FBXL20: variants seen among roughly 807,000 people sequenced by gnomAD.
The protein encoded by FBXL20 is F-box and leucine rich repeat protein 20, also known as F-box/LRR-repeat protein 20.
Under a neutral mutation model 64.0 loss-of-function variants are expected in FBXL20, and 11 were observed. The observed-to-expected ratio is 0.17, with a 90% CI of 0.11 to 0.28. The LOEUF is 0.28. Ranked by LOEUF, FBXL20 falls within the 10% of genes least tolerant of loss-of-function variation. The pLI is 1.00. For missense variants in FBXL20, 303 were observed against 526.2 expected, an observed-to-expected ratio of 0.58 and a Z score of 4.15; for synonymous variants, 184 against 189.0, an observed-to-expected ratio of 0.97 and a Z score of 0.22.
At chr17:39,365,003 G>A (rs528719510) in intron 1 of FBXL20, among the ~76,000 whole-genome samples, 51 of 152,140 alleles carry the variant, frequency 3.4e-4, no homozygotes, top group Admixed American at 1.8e-3. Flanking sequence ...TATGACTCAC[G>A]ATCTAAATTT....
At chr17:39,313,886 T>G (rs2047260328) in intron 2 of FBXL20, among the ~76,000 whole-genome samples, 1 of 151,918 alleles carries the variant, frequency 6.6e-6, no homozygotes, top group Non-Finnish European at 1.5e-5. Context: ...CTGCCCACCT[T>G]GGCCTCTCAA....
chr17:39,373,442 C>T (rs1469328454), intron 1 of FBXL20, among the ~76,000 whole-genome samples: 2 of 152,130 alleles, frequency 1.3e-5, no homozygotes, highest in Non-Finnish European at 2.9e-5. Flanking sequence ...GGATGTCTAT[C>T]TGATAGACTT....
intron 6 of FBXL20, among the ~76,000 whole-genome samples, chr17:39,289,997 T>TAAAAAAAAAAAA (rs1567865610): frequency 3.0e-5 from 1 of 33,002 alleles, no homozygotes; most frequent in African/African-American, 2.4e-4. Context: ...AGACTCAGTC[T>TAAAAAAAAAAAA]CAAAAAAAAA....
chr17:39,271,113 G>A (rs1012239590), intron 10 of FBXL20, among the ~76,000 whole-genome samples: 1 of 152,172 alleles, frequency 6.6e-6, no homozygotes, highest in African/African-American at 2.4e-5. Flanking sequence ...ATTGAAGCTT[G>A]TAGTTAATGC....
Position 39,267,666 on chromosome 17 carries a change from T to C in FBXL20, c.933+1161A>G, listed in dbSNP as rs80098738. On this transcript the variant is annotated intron_variant, in intron 12 of 14. Transcript: ENST00000264658. ...GGAAGAACAGTTTTCATGGTTATGT[T>C]AGGACTGAAAGTAAATCAGCACTTC... Among the ~76,000 whole-genome samples, 2,686 of 152,316 alleles carry C rather than the reference T, an allele frequency of 0.018. 161 individuals carry two copies. The East Asian group carries it at 0.18, about 10-fold the overall frequency.
intron 9 of FBXL20, among the ~76,000 whole-genome samples, chr17:39,276,398 T>C (rs1165841843): frequency 6.8e-6 from 1 of 147,302 alleles, no homozygotes; most frequent in African/African-American, 2.5e-5. Context: ...AGGCCGGGCA[T>C]GGTGGCTCAA....
chr17:39,377,509 T>G (rs59775294), intron 1 of FBXL20, among the ~76,000 whole-genome samples: 7,861 of 151,266 alleles, frequency 0.052, 681 homozygotes, highest in African/African-American at 0.18. Context: ...TGTTGTTGTT[T>G]TTTTTTTTTG....
At chr17:39,272,003 C>A (rs1455647679) in intron 10 of FBXL20, among the ~76,000 whole-genome samples, 1 of 152,050 alleles carries the variant, frequency 6.6e-6, no homozygotes, top group African/African-American at 2.4e-5. Flanking sequence ...AATCCCAGCA[C>A]TTCAGGAGGC....
intron 2 of FBXL20, among the ~76,000 whole-genome samples, chr17:39,339,450 G>A (rs888283680): frequency 2.8e-4 from 43 of 152,098 alleles, no homozygotes; most frequent in African/African-American, 1.0e-3. Flanking sequence ...TTGAGTGACA[G>A]CAGGAGACTT....
intron 6 of FBXL20, among the ~76,000 whole-genome samples, chr17:39,292,462 C>T (rs934845207): frequency 7.3e-5 from 11 of 151,538 alleles, no homozygotes; most frequent in African/African-American, 2.7e-4. Context: ...GGCATGATCA[C>T]AGTGCACTGC....
At chr17:39,322,112 G>C (rs1402077884) in intron 2 of FBXL20, among the ~76,000 whole-genome samples, 1 of 145,252 alleles carries the variant, frequency 6.9e-6, no homozygotes, top group Non-Finnish European at 1.5e-5. Flanking sequence ...GATCACTTGA[G>C]GGTAGAAGTT....
chr17:39,326,621 A>T (rs1179935052), intron 2 of FBXL20, among the ~76,000 whole-genome samples: 8 of 151,252 alleles, frequency 5.3e-5, no homozygotes, highest in African/African-American at 7.3e-5. Flanking sequence ...GACCCTATTT[A>T]AAAAAAATTT....
At chr17:39,311,921 G>A (rs187894675) in intron 2 of FBXL20, among the ~76,000 whole-genome samples, 28 of 152,240 alleles carry the variant, frequency 1.8e-4, no homozygotes, top group Non-Finnish European at 3.4e-4. Flanking sequence ...GAAACATCAG[G>A]TTGGTAGTCA....
intron 1 of FBXL20, among the ~76,000 whole-genome samples, chr17:39,399,953 T>G (rs1476552865): frequency 6.6e-6 from 1 of 152,222 alleles, no homozygotes; most frequent in Non-Finnish European, 1.5e-5. Flanking sequence ...TCAAGATTCC[T>G]GTTAACTGCT....
chr17:39,363,785 T>C (rs1471174972), intron 1 of FBXL20, among the ~76,000 whole-genome samples: 1 of 110,032 alleles, frequency 9.1e-6, no homozygotes, highest in Non-Finnish European at 1.7e-5. Context: ...TACTCCAGCC[T>C]GGGTGACAGA....
At chr17:39,360,969 T>TC (rs1376676866) in intron 1 of FBXL20, among the ~76,000 whole-genome samples, 2 of 152,178 alleles carry the variant, frequency 1.3e-5, no homozygotes, top group Admixed American at 6.6e-5. Context: ...AGTAGCAATT[T>TC]CCCCCATTGT....
rs2046705320 is a variant in FBXL20 at position 39,257,391 on chromosome 17, A to AG, written c.*4068dup. 1 of 152,266 alleles carries AG rather than the reference A, an allele frequency of 6.6e-6. No individual in the cohort carries two copies. The highest frequency in any genetic ancestry group is 2.1e-4 in the South Asian group (1 of 4,836). The allele number at this position is 152,266 out of a possible 1,614,324, so 9.4% of individuals were successfully genotyped here. A position where few individuals can be genotyped will look rare whatever the true frequency, so the allele number is the denominator to read the frequency against. ...GTTTCCCTATAAAATGTTTGATACA[A>AG]GGGATATGTGAAACTTCTGACTTAC... On this transcript the variant is annotated 3_prime_UTR_variant, in exon 15 of 15. Coordinates refer to ENST00000264658, the MANE Select transcript of FBXL20 (RefSeq NM_032875.3).
At chr17:39,338,167 G>A (rs1421575869) in intron 2 of FBXL20, among the ~76,000 whole-genome samples, 1 of 152,210 alleles carries the variant, frequency 6.6e-6, no homozygotes, top group African/African-American at 2.4e-5. Context: ...GTAGACATGG[G>A]AGACTTTTCA....
intron 2 of FBXL20, 83 bp from the exon 3 acceptor site, chr17:39,303,722 T>C: frequency 7.8e-7 from 1 of 1,277,906 alleles, no homozygotes; most frequent in Non-Finnish European, 1.1e-6. Context: ...GGTCTCACTC[T>C]GTCAGCCAAG....
Sources: gnomAD v4.1 joint callset for allele counts (sites outside exome capture counted in the v4.1 genomes callset) on GRCh38, gnomAD v4.1.1 for gene constraint, MANE v1.5 for transcripts, NCBI Gene and HGNC (gene_info 2026-07-23, HGNC 2026-07-21) for gene names.